NEURL1: variants seen among roughly 807,000 people sequenced by gnomAD.
NEURL1 encodes the protein E3 ubiquitin-protein ligase NEURL1.
A neutral mutation model predicts 41.2 loss-of-function variants in NEURL1; 26 were observed. The ratio of observed to expected loss-of-function variants is 0.63; its 90% confidence interval spans 0.46 to 0.87. The LOEUF (loss-of-function observed/expected upper bound fraction) is 0.87. Ranked by LOEUF, NEURL1 falls within the 40% of genes least tolerant of loss-of-function variation. The probability of loss-of-function intolerance (pLI) is 0.00; values close to 1 mark genes in which losing one functional copy is unlikely to be tolerated. For missense variants in NEURL1, 761 were observed against 871.1 expected (o/e 0.87, Z 1.59); for synonymous variants, 400 against 402.3 (o/e 0.99, Z 0.07).
intron 1 of NEURL1, among the ~76,000 whole-genome samples, chr10:103,537,403 T>TTA (rs2034715668): frequency 6.6e-6 from 1 of 151,336 alleles, no homozygotes; most frequent in African/African-American, 2.4e-5. Context: ...TCTCGCACTC[T>TTA]TATATATATT....
chr10:103,497,803 G>T (rs1256548810), intron 1 of NEURL1, among the ~76,000 whole-genome samples: 1 of 152,110 alleles, frequency 6.6e-6, no homozygotes, highest in Non-Finnish European at 1.5e-5. Context: ...TCCCAGGCTG[G>T]AGATCTACTC....
chr10:103,537,424 G>C (rs1200750894), intron 1 of NEURL1, among the ~76,000 whole-genome samples: 1 of 152,082 alleles, frequency 6.6e-6, no homozygotes, highest in Non-Finnish European at 1.5e-5. Flanking sequence ...TTTTGAGACA[G>C]GGTCTCACTG....
At chr10:103,534,871 C>T (rs1592203677) in intron 1 of NEURL1, among the ~76,000 whole-genome samples, 1 of 152,120 alleles carries the variant, frequency 6.6e-6, no homozygotes, top group East Asian at 1.9e-4. Context: ...ACAGAGCCAG[C>T]ATCTGTGACT....
chr10:103,581,826 G>T (rs1266976694), intron 3 of NEURL1, among the ~76,000 whole-genome samples: 2 of 152,180 alleles, frequency 1.3e-5, no homozygotes, highest in Non-Finnish European at 2.9e-5. Context: ...ATTGTCTTCA[G>T]TACTGGGCTG....
chr10:103,563,524 A>T (rs2035352148), intron 1 of NEURL1, among the ~76,000 whole-genome samples: 1 of 152,154 alleles, frequency 6.6e-6, no homozygotes. Context: ...ATTCAGGACC[A>T]CAGATTCAGA....
At chr10:103,530,253 C>T (rs547276237) in intron 1 of NEURL1, among the ~76,000 whole-genome samples, 3 of 150,674 alleles carry the variant, frequency 2.0e-5, no homozygotes, top group Admixed American at 6.6e-5. Flanking sequence ...TTTGTTTGTT[C>T]TTTCTTTTCT....
At chr10:103,544,184 A>G (rs2034879959) in intron 1 of NEURL1, among the ~76,000 whole-genome samples, 1 of 152,132 alleles carries the variant, frequency 6.6e-6, no homozygotes, top group South Asian at 2.1e-4. Context: ...GATGGATTTG[A>G]GAAGGACACG....
Position 103,519,788 on chromosome 10 carries a change from TC to T in NEURL1, c.85+25317del, listed in dbSNP as rs1241862386. 5.9e-5 allele frequency among the ~76,000 whole-genome samples: 9 copies of T among 151,988 alleles called. 1 individual carries two copies. The South Asian group carries it at 1.9e-3, about 32-fold the overall frequency. On this transcript the variant is annotated intron_variant, in intron 1 of 5. Transcript: ENST00000369780. ...ATAGTTTTTTGTTGTTGTTGTTGTT[TC>T]TTTTTTTTTTTCGAGACAGGGTCTT...
intron 1 of NEURL1, among the ~76,000 whole-genome samples, chr10:103,535,650 G>C (rs1350822761): frequency 1.3e-5 from 2 of 152,134 alleles, no homozygotes; most frequent in Non-Finnish European, 2.9e-5. Context: ...ACTGTCCTGA[G>C]CAGCCAAGGT....
intron 1 of NEURL1, among the ~76,000 whole-genome samples, chr10:103,554,186 C>T (rs1298670741): frequency 6.6e-6 from 1 of 152,226 alleles, no homozygotes; most frequent in African/African-American, 2.4e-5. Context: ...TCCCAGCCTC[C>T]CTCTTCCCCC....
At chr10:103,563,155 A>T (rs2035341444) in intron 1 of NEURL1, among the ~76,000 whole-genome samples, 1 of 152,224 alleles carries the variant, frequency 6.6e-6, no homozygotes, top group Non-Finnish European at 1.5e-5. Context: ...TTGGACTGAA[A>T]TGAGCCGATC....
rs146472901 is a variant in NEURL1, at chr10:103,525,577, C to T, written c.85+31105C>T. Among the ~76,000 whole-genome samples, 1,488 of 152,214 alleles carry T rather than the reference C, an allele frequency of 9.8e-3. 21 individuals carry two copies. The highest frequency in any genetic ancestry group is 0.033 in the African/African-American group (1,389 of 41,522). On this transcript the variant is annotated intron_variant, in intron 1 of 5. Transcript: ENST00000369780. ...CCATGTTGGCCAGGCTGGTCTCCAA[C>T]TCTTGACCTCAAGTGATCCACCAGC...
At chr10:103,531,734 G>C (rs1480276283) in intron 1 of NEURL1, among the ~76,000 whole-genome samples, 1 of 151,842 alleles carries the variant, frequency 6.6e-6, no homozygotes, top group African/African-American at 2.4e-5. Flanking sequence ...TGCCCAGGCT[G>C]GTCTTGAACT....
intron 1 of NEURL1, among the ~76,000 whole-genome samples, chr10:103,513,696 C>T (rs992168091): frequency 6.6e-6 from 1 of 151,810 alleles, no homozygotes; most frequent in Non-Finnish European, 1.5e-5. Context: ...ACCCAGGGCC[C>T]CTGGTCCTCT....
At chr10:103,494,936 C>T (rs2033648529) in intron 1 of NEURL1, among the ~76,000 whole-genome samples, 1 of 152,152 alleles carries the variant, frequency 6.6e-6, no homozygotes, top group South Asian at 2.1e-4. Context: ...ATTACAGCAG[C>T]CTGGAAGAAA....
chr10:103,495,848 C>G (rs1295956372), intron 1 of NEURL1, among the ~76,000 whole-genome samples: 1 of 152,196 alleles, frequency 6.6e-6, no homozygotes, highest in Non-Finnish European at 1.5e-5. Context: ...TGGCTCACGC[C>G]TGTAATCCGA....
At chr10:103,527,758 A>G (rs2034490460) in intron 1 of NEURL1, among the ~76,000 whole-genome samples, 1 of 152,040 alleles carries the variant, frequency 6.6e-6, no homozygotes, top group African/African-American at 2.4e-5. Flanking sequence ...TGGTTTGAAC[A>G]CCTCTGACAT....
chr10:103,584,524 T>C lies in NEURL1; in HGVS notation c.650-12T>C. The C allele has an allele frequency of 1.5e-6, 2 of 1,343,208 alleles. No homozygotes were observed. Among genetic ancestry groups the C allele is most frequent in the South Asian group, 1.9e-5 (1 of 52,564 alleles). 83.2% of individuals were successfully genotyped at this position (1,343,208 alleles called of 1,614,324 possible). On this transcript the variant is annotated splice_polypyrimidine_tract_variant and intron_variant, in intron 3 of 5. Coordinates refer to ENST00000369780, the MANE Select transcript of NEURL1 (RefSeq NM_004210.5). ...GAGCCCTGCGTGACACTGCCCCGTG[T>C]CTCCCGCGCAGATAGCGAGCTGGTG...
At chr10:103,536,745 A>C (rs540827874) in intron 1 of NEURL1, among the ~76,000 whole-genome samples, 1 of 152,338 alleles carries the variant, frequency 6.6e-6, no homozygotes, top group South Asian at 2.1e-4. Context: ...TACTTAAAAA[A>C]ATTATGGTAA....
Sources: allele counts gnomAD v4.1 joint callset (sites outside exome capture counted in the v4.1 genomes callset), GRCh38; gene constraint gnomAD v4.1.1; transcripts MANE v1.5; gene names NCBI Gene and HGNC (gene_info 2026-07-23, HGNC 2026-07-21).